The following EPB41L1 variants were observed in gnomAD, a reference collection of about 807,000 sequenced individuals.
The protein encoded by EPB41L1 is erythrocyte membrane protein band 4.1 like 1.
EPB41L1 carries 29 observed loss-of-function variants against 97.8 expected under a neutral mutation model. That is an observed-to-expected ratio of 0.30 (90% CI 0.22 to 0.40). The LOEUF is 0.40. EPB41L1 is among the 10% of genes least tolerant of loss of function. The pLI, the probability that EPB41L1 is intolerant of heterozygous loss-of-function variation, is 1.00. For synonymous variants in EPB41L1, 383 were observed against 459.2 expected (o/e 0.83, Z 2.12); for missense variants, 812 against 1,162.3 (o/e 0.70, Z 4.38).
At chr20:36,189,485 G>A (rs1489445425) in intron 9 of EPB41L1, among the ~76,000 whole-genome samples, 3 of 152,152 alleles carry the variant, frequency 2.0e-5, no homozygotes, top group Non-Finnish European at 4.4e-5. Context: ...CTTTGAATAA[G>A]TCGAGCTCTT....
intron 3 of EPB41L1, 95 bp downstream of exon 3, chr20:36,175,810 G>A (rs1267123767): frequency 8.1e-6 from 11 of 1,352,064 alleles, no homozygotes; most frequent in South Asian, 1.2e-5. Flanking sequence ...GGCCAAACCA[G>A]AGGAGTCCTG....
intron 2 of EPB41L1, among the ~76,000 whole-genome samples, chr20:36,121,356 T>C (rs181390810): frequency 4.6e-5 from 7 of 152,156 alleles, no homozygotes; most frequent in Non-Finnish European, 4.4e-5. Context: ...GGTTCTTCCA[T>C]GGGATGCATG....
intron 2 of EPB41L1, among the ~76,000 whole-genome samples, chr20:36,126,632 C>T (rs922200174): frequency 1.3e-5 from 2 of 152,188 alleles, no homozygotes; most frequent in African/African-American, 4.8e-5. Flanking sequence ...TCCCAAAGTG[C>T]TGGGATTACA....
At chr20:36,102,036 CA>C (rs113984063) in intron 1 of EPB41L1, among the ~76,000 whole-genome samples, 8 of 148,826 alleles carry the variant, frequency 5.4e-5, no homozygotes, top group African/African-American at 1.7e-4. Flanking sequence ...CAAAACAAAA[CA>C]AAAAAAACAA....
chr20:36,167,873 G>A (rs2060806372), intron 1 of EPB41L1, among the ~76,000 whole-genome samples: 1 of 152,082 alleles, frequency 6.6e-6, no homozygotes, highest in South Asian at 2.1e-4. Context: ...GGCAGCCCCT[G>A]GAACAAGCTG....
chr20:36,188,254 A>G (rs2061768438), intron 8 of EPB41L1, 93 bp from the exon 9 acceptor site: 1 of 1,558,132 alleles, frequency 6.4e-7, no homozygotes, highest in Non-Finnish European at 8.8e-7. Context: ...GCTCGTTACA[A>G]GCAGCGCACA....
rs755730929 is a variant in EPB41L1 at position 36,209,784 on chromosome 20, G to C, written c.1965G>C (p.Leu655=). 25 of 1,613,966 alleles carry C rather than the reference G, an allele frequency of 1.5e-5. No individual in the cohort carries two copies. Among genetic ancestry groups the C allele is most frequent in the Non-Finnish European group, 2.0e-5 (24 of 1,180,044 alleles). ...RDKSDSDTEG[L]LFSRDLNKGA... Reference sequence around the variant, plus strand: ...AAAGCGACTCGGACACTGAGGGCCTGCTGTTCTCCCGGGATCTCAACAAGG... The same window carrying C: ...AAAGCGACTCGGACACTGAGGGCCTCCTGTTCTCCCGGGATCTCAACAAGG... Residue 655 remains leucine (L), a synonymous_variant, in exon 15 of 22, where the codon CTG becomes CTC. Transcript: ENST00000338074. This position sits in a 1 kb window ranked among gnomAD's most constrained non-coding sequence, Gnocchi z 4.2.
intron 1 of EPB41L1, among the ~76,000 whole-genome samples, chr20:36,159,962 G>A (rs1343105670): frequency 6.6e-6 from 1 of 152,218 alleles, no homozygotes; most frequent in Admixed American, 6.5e-5. Flanking sequence ...GTTAAGGCAT[G>A]TAAACATCTT....
intron 1 of EPB41L1, among the ~76,000 whole-genome samples, chr20:36,156,863 G>C (rs536137534): frequency 3.3e-5 from 5 of 152,268 alleles, no homozygotes; most frequent in African/African-American, 1.2e-4. Context: ...GCTGTGGTGG[G>C]AGGTGCTTGT....
intron 17 of EPB41L1, among the ~76,000 whole-genome samples, chr20:36,215,511 C>T (rs899185860): frequency 6.6e-6 from 1 of 152,168 alleles, no homozygotes; most frequent in South Asian, 2.1e-4. Flanking sequence ...CTAGACTAGC[C>T]AGCAGGTAGG....
chr20:36,182,907 G>T (rs1366437209), intron 6 of EPB41L1, among the ~76,000 whole-genome samples: 6 of 152,162 alleles, frequency 3.9e-5, no homozygotes, highest in Non-Finnish European at 8.8e-5. Flanking sequence ...GCCACTCTGT[G>T]CACACATCAG....
Position 36,099,294 on chromosome 20 carries a change from C to T in EPB41L1, c.-65+7682C>T, listed in dbSNP as rs189092103. 3.3e-5 allele frequency among the ~76,000 whole-genome samples: 5 copies of T among 152,288 alleles called. No individual in the cohort carries two copies. In the East Asian group the frequency reaches 9.7e-4, roughly 29 times the overall value. ...AATGAGGTAGTACACAGTAGGCACTCAATACCTACTTCCTTTCCAGCTCTC... is the reference window on the plus strand; with the variant it reads ...AATGAGGTAGTACACAGTAGGCACTTAATACCTACTTCCTTTCCAGCTCTC... On this transcript the variant is annotated intron_variant, in intron 1 of 19. Transcript: ENST00000202028.
intron 2 of EPB41L1, chr20:36,125,363 C>T (rs752553669): frequency 4.4e-5 from 31 of 696,776 alleles, no homozygotes; most frequent in Middle Eastern, 4.6e-4. Context: ...CCCTTATCAA[C>T]CGTGTGACTT....
At chr20:36,222,443 G>A in intron 21 of EPB41L1, 49 bp downstream of exon 21, 1 of 1,467,760 alleles carries the variant, frequency 6.8e-7, no homozygotes, top group Non-Finnish European at 9.5e-7. Flanking sequence ...GGGAGCAGTA[G>A]CAAGATCCTC....
chr20:36,211,567 G>C (rs557129978), intron 15 of EPB41L1, among the ~76,000 whole-genome samples: 2 of 150,594 alleles, frequency 1.3e-5, no homozygotes, highest in Non-Finnish European at 3.0e-5. Context: ...CTAAAGAAGA[G>C]TCCAGGCTGG....
intron 9 of EPB41L1, among the ~76,000 whole-genome samples, chr20:36,189,555 C>CT (rs2061854576): frequency 1.3e-5 from 2 of 152,202 alleles, no homozygotes; most frequent in Admixed American, 1.3e-4. Flanking sequence ...CCCCCTCTCG[C>CT]TTCTCACATA....
chr20:36,207,791 G>A lies in EPB41L1; in HGVS notation c.1669-1697G>A, dbSNP rs778926306. 19 of 1,284,808 alleles carry A rather than the reference G, an allele frequency of 1.5e-5. No individual in the cohort carries two copies. Among genetic ancestry groups the A allele is most frequent in the African/African-American group, 6.1e-5 (4 of 65,838 alleles). The allele number at this position is 1,284,808 out of a possible 1,614,324, so 79.6% of individuals were successfully genotyped here. On this transcript the variant is annotated intron_variant, in intron 14 of 21. Coordinates refer to ENST00000338074, the MANE Select transcript of EPB41L1 (RefSeq NM_012156.2). The surrounding 1 kb of genome is among the most constrained non-coding windows in gnomAD (Gnocchi z 4.9). ...GCTACTGGAACTGGGGTAACTGGCC[G>A]CGTGAGCCCCCGCCCCCACCGCTGC...
intron 1 of EPB41L1, among the ~76,000 whole-genome samples, chr20:36,172,093 A>T (rs568591635): frequency 5.1e-4 from 77 of 152,078 alleles, no homozygotes; most frequent in Non-Finnish European, 7.9e-4. Context: ...ATTTTAATTT[A>T]ATTTTATTTT....
chr20:36,185,423 C>G, intron 7 of EPB41L1, 88 bp downstream of exon 7: 1 of 1,299,418 alleles, frequency 7.7e-7, no homozygotes, highest in Non-Finnish European at 1.1e-6. Flanking sequence ...CCGCCACATA[C>G]TGTGCTGTTT....
Sources: gnomAD v4.1 joint callset for allele counts (sites outside exome capture counted in the v4.1 genomes callset) on GRCh38, gnomAD v4.1.1 for gene constraint, Gnocchi (gnomAD v3.1) non-coding constraint, MANE v1.5 for transcripts, NCBI Gene and HGNC (gene_info 2026-07-23, HGNC 2026-07-21) for gene names.